CPNE4: variants seen among roughly 807,000 people sequenced by gnomAD.
CPNE4 encodes copine 4, also known as copine-4.
CPNE4 carries 25 observed loss-of-function variants against 67.9 expected under a neutral mutation model. That is an observed-to-expected ratio of 0.37 (90% CI 0.27 to 0.51). The LOEUF (loss-of-function observed/expected upper bound fraction) is 0.51, where lower values mean the gene tolerates loss of function less well. Ranked by LOEUF, CPNE4 falls within the 20% of genes least tolerant of loss-of-function variation. The pLI, the probability that CPNE4 is intolerant of heterozygous loss-of-function variation, is 0.93. For missense variants in CPNE4, 464 were observed against 690.8 expected (o/e 0.67, Z 3.68); for synonymous variants, 242 against 244.9 (o/e 0.99, Z 0.11).
intron 2 of CPNE4, among the ~76,000 whole-genome samples, chr3:131,739,833 T>C (rs1246316287): frequency 6.6e-6 from 1 of 152,230 alleles, no homozygotes; most frequent in East Asian, 1.9e-4. Flanking sequence ...ATTTTGCTCC[T>C]GGCAATGCTG....
chr3:131,977,833 T>TCCCA (rs924675568), intron 1 of CPNE4, among the ~76,000 whole-genome samples: 1 of 151,384 alleles, frequency 6.6e-6, no homozygotes, highest in African/African-American at 2.4e-5. Context: ...CTCATCCCCC[T>TCCCA]CCCACTCTTC....
intron 2 of CPNE4, among the ~76,000 whole-genome samples, chr3:131,789,647 G>T (rs1245879056): frequency 6.6e-6 from 1 of 152,150 alleles, no homozygotes; most frequent in African/African-American, 2.4e-5. Flanking sequence ...ATTATTCAAT[G>T]AGGCATTTAA....
At position 131,603,453 on chromosome 3, in the gene CPNE4, T is replaced by C. The variant is rs191475818; in HGVS notation, c.682-15871A>G. Among the ~76,000 whole-genome samples the C allele has an allele frequency of 9.2e-5, 14 of 152,338 alleles. No homozygotes were observed. The East Asian group carries it at 2.5e-3, about 27-fold the overall frequency. On this transcript the variant is annotated intron_variant, in intron 7 of 15. Transcript: ENST00000429747. Reference sequence around the variant, plus strand: ...AAAGCAAAATGTGATGGATTTTTTATGCAAGAATCTTGGAGCACTTTTCAC... The same window carrying C: ...AAAGCAAAATGTGATGGATTTTTTACGCAAGAATCTTGGAGCACTTTTCAC...
intron 15 of CPNE4, 31 bp downstream of exon 15, chr3:131,542,526 A>T (rs377259106): frequency 2.7e-6 from 4 of 1,485,562 alleles, no homozygotes; most frequent in Non-Finnish European, 3.8e-6. Flanking sequence ...CTGCTCTTCC[A>T]TGAAAAGTGC....
At chr3:131,949,082 T>C (rs1385828905) in intron 1 of CPNE4, among the ~76,000 whole-genome samples, 2 of 152,186 alleles carry the variant, frequency 1.3e-5, no homozygotes, top group East Asian at 1.9e-4. Context: ...TTGCAGGGTA[T>C]TGTCATGATT....
intron 1 of CPNE4, among the ~76,000 whole-genome samples, chr3:131,945,044 A>G (rs1348697322): frequency 2.0e-5 from 3 of 152,182 alleles, no homozygotes; most frequent in African/African-American, 7.2e-5. Flanking sequence ...ACATTGGGTT[A>G]AGCTGGATTT....
intron 3 of CPNE4, among the ~76,000 whole-genome samples, chr3:131,700,821 A>G (rs1658267385): frequency 6.6e-6 from 1 of 152,052 alleles, no homozygotes; most frequent in Non-Finnish European, 1.5e-5. Context: ...ACTATTCACA[A>G]TAGCAAAGAC....
At chr3:131,978,125 T>TATATAAAATATATATAA (rs2072735254) in intron 1 of CPNE4, among the ~76,000 whole-genome samples, 1 of 82,316 alleles carries the variant, frequency 1.2e-5, no homozygotes, top group Non-Finnish European at 2.2e-5. Flanking sequence ...TATATAAATA[T>TATATAAAATATATATAA]ATATATTTAT....
intron 2 of CPNE4, among the ~76,000 whole-genome samples, chr3:131,800,188 T>A (rs929539473): frequency 2.6e-5 from 4 of 152,098 alleles, no homozygotes. Flanking sequence ...TCTTTGTGTC[T>A]GTACCTATCC....
At chr3:132,032,996 GTT>G (rs1438192086) in intron 1 of CPNE4, among the ~76,000 whole-genome samples, 2 of 152,206 alleles carry the variant, frequency 1.3e-5, no homozygotes, top group Non-Finnish European at 2.9e-5. Flanking sequence ...GACGGTGGGT[GTT>G]TGTTTTTTTG....
rs534189037 is a variant in CPNE4, at chr3:131,550,806, T to C, written c.1169-726A>G. Among the ~76,000 whole-genome samples the C allele has an allele frequency of 2.0e-5, 3 of 152,114 alleles. No individual in the cohort carries two copies. The South Asian group carries it at 6.2e-4, about 32-fold the overall frequency. ...GATGGTTATCATCACGGACAACCCC[T>C]CATTTAAAAGGGGGCTTCCATCCTG... On this transcript the variant is annotated intron_variant, in intron 13 of 15. Coordinates refer to ENST00000429747, the MANE Select transcript of CPNE4 (RefSeq NM_130808.3).
chr3:131,612,517 T>A (rs1415603138), intron 7 of CPNE4, among the ~76,000 whole-genome samples: 3 of 152,182 alleles, frequency 2.0e-5, no homozygotes, highest in Non-Finnish European at 1.5e-5. Context: ...ATATTTGTCA[T>A]GGAAGAGGAG....
At chr3:131,644,051 T>C (rs2079602589) in intron 7 of CPNE4, among the ~76,000 whole-genome samples, 1 of 152,174 alleles carries the variant, frequency 6.6e-6, no homozygotes. Context: ...ACTTTTGGCA[T>C]AGTCTGTACC....
At chr3:131,774,177 G>T (rs887445704) in intron 2 of CPNE4, among the ~76,000 whole-genome samples, 10 of 152,110 alleles carry the variant, frequency 6.6e-5, no homozygotes, top group African/African-American at 1.4e-4. Context: ...AGAAGCTGGG[G>T]ACCTACCCAG....
At chr3:131,681,163 T>C (rs1283419660) in intron 6 of CPNE4, among the ~76,000 whole-genome samples, 2 of 152,232 alleles carry the variant, frequency 1.3e-5, no homozygotes, top group Middle Eastern at 3.2e-3. Context: ...CTACTCAAAA[T>C]ATTGGTAGTT....
chr3:131,537,206 G>GTATT (rs1467428521), intron 15 of CPNE4, among the ~76,000 whole-genome samples: 5 of 151,576 alleles, frequency 3.3e-5, no homozygotes, highest in African/African-American at 1.2e-4. Context: ...AGCAGGAGTA[G>GTATT]TATTTCGGAA....
At chr3:131,827,105 G>T (rs1365993739) in intron 2 of CPNE4, among the ~76,000 whole-genome samples, 2 of 152,076 alleles carry the variant, frequency 1.3e-5, no homozygotes, top group East Asian at 1.9e-4. Flanking sequence ...TACTATTTGA[G>T]AGAAGAATAA....
chr3:131,852,405 T>C (rs887191049), intron 2 of CPNE4, among the ~76,000 whole-genome samples: 5 of 151,914 alleles, frequency 3.3e-5, no homozygotes, highest in African/African-American at 4.8e-5. Flanking sequence ...CACTAAAGAA[T>C]AAGGGAGAAA....
chr3:131,560,313 G>A lies in CPNE4; in HGVS notation c.1061+3903C>T, dbSNP rs78136143. Among the ~76,000 whole-genome samples, 12 of 152,136 alleles carry A rather than the reference G, an allele frequency of 7.9e-5. No individual in the cohort carries two copies. The East Asian group carries it at 1.9e-3, about 25-fold the overall frequency. On this transcript the variant is annotated intron_variant, in intron 11 of 15. Transcript: ENST00000429747. ...GGTAGCAGAGCTGGGGTTTGAGCCC[G>A]GGTCTAACTGTCACCAGTTCCCCAT...
Sources: allele counts gnomAD v4.1 joint callset (sites outside exome capture counted in the v4.1 genomes callset), GRCh38; gene constraint gnomAD v4.1.1; transcripts MANE v1.5; gene names NCBI Gene and HGNC (gene_info 2026-07-23, HGNC 2026-07-21).